The following FBP2 variants were observed in gnomAD, a reference collection of about 807,000 sequenced individuals.
FBP2 encodes fructose-bisphosphatase 2, also known as fructose-1,6-bisphosphatase isozyme 2.
In FBP2, 27 loss-of-function variants were observed where a neutral mutation model predicts 31.6. The observed-to-expected ratio is 0.85, with a 90% confidence interval of 0.63 to 1.18. The LOEUF (loss-of-function observed/expected upper bound fraction) is 1.18, where lower values mean the gene tolerates loss of function less well. Among genes scored for constraint, FBP2 ranks in the 50% most tolerant of loss-of-function variants. The pLI, the probability that FBP2 is intolerant of heterozygous loss-of-function variation, is 0.00. For synonymous variants in FBP2, 168 were observed against 179.8 expected (o/e 0.93, Z 0.53); for missense variants, 421 against 436.1 (o/e 0.97, Z 0.31).
intron 6 of FBP2, among the ~76,000 whole-genome samples, chr9:94,561,350 G>A (rs1827096830): frequency 1.7e-5 from 1 of 59,796 alleles, no homozygotes; most frequent in South Asian, 4.5e-4. Context: ...CATGTGACCT[G>A]TATTTTTTTT....
chr9:94,587,308 C>G lies in FBP2; in HGVS notation c.332G>C (p.Arg111Pro), dbSNP rs762529343. Residue 111 changes from arginine (R) to proline (P), a missense_variant and splice_region_variant, in exon 2 of 7, where the codon CGG becomes CCG. Physicochemically the swap from Arg to Pro is moderately radical, Grantham distance 103. Coordinates refer to ENST00000375337, the MANE Select transcript of FBP2 (RefSeq NM_003837.4). ...KDAIITAKEK[R>P]GKYVVCFDPL... ...GGGCACCGCAGCCCCATGACGCACC[C>G]GCTTCTCCTTGGCGGTGATGATGGC... is the stretch of plus-strand genomic sequence containing the variant. The G allele has an allele frequency of 1.2e-6, 2 of 1,609,450 alleles. No individual in the cohort carries two copies. Among genetic ancestry groups the G allele is most frequent in the African/African-American group, 2.7e-5 (2 of 74,612 alleles).
chr9:94,582,767 C>T (rs1564186119), intron 3 of FBP2, among the ~76,000 whole-genome samples: 1 of 151,498 alleles, frequency 6.6e-6, no homozygotes, highest in Non-Finnish European at 1.5e-5. Context: ...CCAGGATGGT[C>T]TCGATCTCCT....
intron 1 of FBP2, 74 bp downstream of exon 1, chr9:94,593,483 A>G: frequency 1.0e-5 from 15 of 1,442,692 alleles, no homozygotes; most frequent in Non-Finnish European, 1.4e-5. Flanking sequence ...TTTCTTGCCA[A>G]AGCACCTGCA....
intron 3 of FBP2, among the ~76,000 whole-genome samples, chr9:94,573,857 C>T (rs1350849309): frequency 6.6e-6 from 1 of 152,092 alleles, no homozygotes; most frequent in Admixed American, 6.5e-5. Context: ...GGAAGTGTTC[C>T]TTCCTATTAT....
intron 4 of FBP2, chr9:94,568,778 T>C (rs1373125145): frequency 6.6e-6 from 1 of 152,222 alleles, no homozygotes; most frequent in East Asian, 1.9e-4. Context: ...ACTGCTTCTA[T>C]ATCAGTGACT....
At position 94,571,497 on chromosome 9, in the gene FBP2, TG is replaced by T. The variant is rs748538007; in HGVS notation, c.531del (p.Thr178GlnfsTer35). On this transcript the variant is annotated frameshift_variant, in exon 4 of 7. Coordinates refer to ENST00000375337, the MANE Select transcript of FBP2 (RefSeq NM_003837.4). LOFTEE classifies it high-confidence loss of function. Reference protein sequence around the residue: ...LYGSATLVALSTGQGVDLFML... With the variant: ...LYGSATLVALXTGQGVDLFML... The stretch of plus-strand genomic sequence containing the variant: ...ATGAAGAGGTCCACGCCTTGCCCTG[TG>T]GAGAGAGCCACCAGGGTTGCACTAC... The T allele has an allele frequency of 6.2e-7, 1 of 1,613,888 alleles. No individual in the cohort carries two copies. Among genetic ancestry groups the T allele is most frequent in the Non-Finnish European group, 8.5e-7 (1 of 1,179,908 alleles).
chr9:94,560,102 GTGA>G (rs1175502370), intron 6 of FBP2, among the ~76,000 whole-genome samples: 2 of 152,164 alleles, frequency 1.3e-5, no homozygotes, highest in Non-Finnish European at 2.9e-5. Context: ...TCCAGTCTAG[GTGA>G]CAGAGCAAGA....
chr9:94,584,927 C>T (rs990703741), intron 2 of FBP2, among the ~76,000 whole-genome samples: 5 of 152,158 alleles, frequency 3.3e-5, no homozygotes, highest in Non-Finnish European at 4.4e-5. Flanking sequence ...GAGAGACCAA[C>T]GTCCCCCACA....
intron 5 of FBP2, among the ~76,000 whole-genome samples, chr9:94,565,600 C>A (rs149337212): frequency 6.6e-6 from 1 of 152,036 alleles, no homozygotes; most frequent in African/African-American, 2.4e-5. Context: ...GAGATGGAAC[C>A]CATATTCCTA....
intron 3 of FBP2, among the ~76,000 whole-genome samples, chr9:94,575,118 G>A (rs1290174240): frequency 2.6e-5 from 4 of 152,066 alleles, no homozygotes; most frequent in Non-Finnish European, 5.9e-5. Flanking sequence ...ATATAGCAGA[G>A]CATACAAATC....
chr9:94,581,321 G>A (rs1397914202), intron 3 of FBP2, among the ~76,000 whole-genome samples: 3 of 152,154 alleles, frequency 2.0e-5, no homozygotes, highest in Non-Finnish European at 4.4e-5. Flanking sequence ...TTCAACAGCT[G>A]AACAAAAGGC....
intron 3 of FBP2, among the ~76,000 whole-genome samples, chr9:94,581,203 A>G (rs1827369236): frequency 6.6e-6 from 1 of 152,168 alleles, no homozygotes; most frequent in African/African-American, 2.4e-5. Flanking sequence ...TCAATCCCCC[A>G]GGCCTAAAGA....
intron 3 of FBP2, among the ~76,000 whole-genome samples, chr9:94,578,440 A>G (rs1046829909): frequency 1.4e-4 from 22 of 152,202 alleles, no homozygotes; most frequent in Non-Finnish European, 2.5e-4. Context: ...TTAAATACAC[A>G]TAAATGAAAT....
In FBP2 at chr9:94,572,161, G is replaced by A. The variant is rs563334395; in HGVS notation, c.427-559C>T. On this transcript the variant is annotated intron_variant, in intron 3 of 6. Transcript: ENST00000375337. ...CTCCTTCTCACTTGCCTCTCTTCCC[G>A]GCAGCACCTCTTCCTCTGATTCCTT... Among the ~76,000 whole-genome samples, 29 of 152,132 alleles carry A rather than the reference G, an allele frequency of 1.9e-4. 1 individual carries two copies. Among genetic ancestry groups the A allele is most frequent in the African/African-American group, 5.3e-4 (22 of 41,502 alleles).
intron 6 of FBP2, among the ~76,000 whole-genome samples, chr9:94,560,520 T>C (rs1308702943): frequency 6.6e-6 from 1 of 152,092 alleles, no homozygotes; most frequent in African/African-American, 2.4e-5. Context: ...TCCCCATCAG[T>C]GCAACCTGTG....
At chr9:94,593,297 C>A (rs1413128439) in intron 1 of FBP2, among the ~76,000 whole-genome samples, 1 of 152,186 alleles carries the variant, frequency 6.6e-6, no homozygotes, top group Non-Finnish European at 1.5e-5. Flanking sequence ...ATGCAACAAG[C>A]CACTGCACTT....
chr9:94,583,454 C>G (rs1827392924), intron 3 of FBP2, among the ~76,000 whole-genome samples: 1 of 152,190 alleles, frequency 6.6e-6, no homozygotes, highest in Admixed American at 6.5e-5. Context: ...CAATATAACC[C>G]AAACTATACA....
Position 94,593,712 on chromosome 9 carries a change from G to A in FBP2, c.15C>T (p.Ser5=). 2 of 1,614,146 alleles carry A rather than the reference G, an allele frequency of 1.2e-6. No individual in the cohort carries two copies. Among genetic ancestry groups the A allele is most frequent in the Non-Finnish European group, 1.7e-6 (2 of 1,180,008 alleles). The change falls in exon 1 of 7, where the codon AGC becomes AGT. Residue 5 remains serine, a synonymous_variant. Coordinates refer to ENST00000375337, the MANE Select transcript of FBP2 (RefSeq NM_003837.4). Reference sequence around the variant, plus strand: ...GGGTGAGCATGTCGGTTTCGAAGGGGCTTCTGTCCGTCATTTTGGCTGGAA... The same window carrying A: ...GGGTGAGCATGTCGGTTTCGAAGGGACTTCTGTCCGTCATTTTGGCTGGAA... MTDR[S]PFETDMLTLT...
intron 6 of FBP2, among the ~76,000 whole-genome samples, chr9:94,559,705 G>A (rs1344467358): frequency 3.9e-5 from 6 of 152,080 alleles, no homozygotes; most frequent in Admixed American, 6.6e-5. Flanking sequence ...AAATCCCATC[G>A]TTTGCACTCC....
Sources: allele counts gnomAD v4.1 joint callset (sites outside exome capture counted in the v4.1 genomes callset), GRCh38; gene constraint gnomAD v4.1.1; transcripts MANE v1.5; gene names NCBI Gene and HGNC (gene_info 2026-07-23, HGNC 2026-07-21).